Variants in AGBL4 observed in about 807,000 individuals in gnomAD.
AGBL4 encodes the protein AGBL carboxypeptidase 4.
Under a neutral mutation model 66.4 loss-of-function variants are expected in AGBL4, and 58 were observed. The observed-to-expected ratio is 0.87, with a 90% CI of 0.71 to 1.09. The LOEUF (loss-of-function observed/expected upper bound fraction) is 1.09, where lower values mean the gene tolerates loss of function less well. AGBL4 is among the 50% of genes least tolerant of loss of function. The pLI, the probability that AGBL4 is intolerant of heterozygous loss-of-function variation, is 0.00. For missense variants in AGBL4, 579 were observed against 631.0 expected, an observed-to-expected ratio of 0.92 and a Z score of 0.88; for synonymous variants, 234 against 222.9, an observed-to-expected ratio of 1.05 and a Z score of -0.44.
At chr1:49,160,511 T>A (rs1427374299) in intron 4 of AGBL4, among the ~76,000 whole-genome samples, 1 of 152,094 alleles carries the variant, frequency 6.6e-6, no homozygotes, top group Non-Finnish European at 1.5e-5. Context: ...TGTCTCCCAG[T>A]CAGGAGACAT....
At chr1:49,819,755 G>C (rs1388320696) in intron 2 of AGBL4, among the ~76,000 whole-genome samples, 1 of 152,128 alleles carries the variant, frequency 6.6e-6, no homozygotes, top group Non-Finnish European at 1.5e-5. Flanking sequence ...CTTACCTCAA[G>C]GGAGGTTTGC....
At chr1:48,929,329 G>A (rs529988402) in intron 5 of AGBL4, among the ~76,000 whole-genome samples, 33 of 152,042 alleles carry the variant, frequency 2.2e-4, no homozygotes, top group Non-Finnish European at 4.3e-4. Context: ...TGCTTCAGCC[G>A]CATTTGTATC....
chr1:50,014,716 G>A (rs972408866), intron 1 of AGBL4, among the ~76,000 whole-genome samples: 1 of 151,636 alleles, frequency 6.6e-6, no homozygotes, highest in Non-Finnish European at 1.5e-5. Context: ...GTAGAGACGG[G>A]GATTCACCAC....
chr1:48,946,726 G>C (rs1024019140), intron 5 of AGBL4, among the ~76,000 whole-genome samples: 2 of 152,194 alleles, frequency 1.3e-5, no homozygotes, highest in Non-Finnish European at 2.9e-5. Flanking sequence ...TCATAGTTGA[G>C]TGGAGAACAC....
chr1:48,712,764 T>G (rs1314404324), intron 6 of AGBL4, among the ~76,000 whole-genome samples: 1 of 152,206 alleles, frequency 6.6e-6, no homozygotes, highest in East Asian at 1.9e-4. Flanking sequence ...TCAGGGCTCA[T>G]GTTTGATAAA....
At chr1:49,654,688 T>A (rs1031394598) in intron 3 of AGBL4, among the ~76,000 whole-genome samples, 1 of 152,218 alleles carries the variant, frequency 6.6e-6, no homozygotes, top group Non-Finnish European at 1.5e-5. Flanking sequence ...TGGCCTTCTT[T>A]GTCTCTCTTG....
intron 3 of AGBL4, among the ~76,000 whole-genome samples, chr1:49,568,523 A>AC (rs56393842): frequency 0.022 from 3,379 of 151,524 alleles, 52 homozygotes; most frequent in Non-Finnish European, 0.035. Flanking sequence ...ACACACACAC[A>AC]AATGCCATGC....
At chr1:49,318,846 A>C (rs1224661760) in intron 3 of AGBL4, among the ~76,000 whole-genome samples, 1 of 152,108 alleles carries the variant, frequency 6.6e-6, no homozygotes, top group African/African-American at 2.4e-5. Flanking sequence ...ATTATCTTAC[A>C]AGTATCTTGC....
intron 3 of AGBL4, among the ~76,000 whole-genome samples, chr1:49,248,237 T>C (rs1250493024): frequency 6.6e-6 from 1 of 152,220 alleles, no homozygotes. Context: ...GCACACACTA[T>C]GTACCATATT....
intron 3 of AGBL4, among the ~76,000 whole-genome samples, chr1:49,411,214 A>T (rs1444785807): frequency 6.6e-6 from 1 of 152,234 alleles, no homozygotes; most frequent in African/African-American, 2.4e-5. Context: ...CCAAAGGCCA[A>T]ATAACCTGGA....
intron 3 of AGBL4, among the ~76,000 whole-genome samples, chr1:49,599,088 G>A (rs1295787544): frequency 2.0e-5 from 3 of 152,230 alleles, no homozygotes; most frequent in Middle Eastern, 3.4e-3. Context: ...CCTCTGCCAG[G>A]TGTTGGTATC....
chr1:48,829,314 G>A (rs545415788), intron 6 of AGBL4, among the ~76,000 whole-genome samples: 4 of 152,310 alleles, frequency 2.6e-5, no homozygotes, highest in African/African-American at 9.6e-5. Context: ...AGTCAGTCTG[G>A]CTCCAGAGTT....
intron 11 of AGBL4, among the ~76,000 whole-genome samples, chr1:48,552,182 G>A (rs1644258486): frequency 6.6e-6 from 1 of 152,130 alleles, no homozygotes; most frequent in South Asian, 2.1e-4. Context: ...TCCTGCCTCA[G>A]CCTCCCAAGT....
chr1:49,972,107 C>T (rs565576875), intron 1 of AGBL4, among the ~76,000 whole-genome samples: 2 of 150,878 alleles, frequency 1.3e-5, no homozygotes, highest in African/African-American at 2.4e-5. Flanking sequence ...TCAGTAGAGA[C>T]GGGGTTTCAC....
intron 1 of AGBL4, among the ~76,000 whole-genome samples, chr1:49,925,458 T>C (rs1467300974): frequency 6.6e-6 from 1 of 152,140 alleles, no homozygotes; most frequent in East Asian, 1.9e-4. Flanking sequence ...ACAGCCATCA[T>C]GGCTACAGGG....
chr1:49,385,658 A>G (rs988818922), intron 3 of AGBL4, among the ~76,000 whole-genome samples: 3 of 152,094 alleles, frequency 2.0e-5, no homozygotes, highest in Admixed American at 2.0e-4. Flanking sequence ...TATCTTTTGT[A>G]CAATTTTCTA....
chr1:49,817,977 G>T (rs1042003513), intron 2 of AGBL4, among the ~76,000 whole-genome samples: 3 of 152,076 alleles, frequency 2.0e-5, no homozygotes, highest in Non-Finnish European at 2.9e-5. Context: ...TGTGCCTGGG[G>T]TTACAGAGAA....
At chr1:48,554,192 C>T (rs1285473126) in intron 11 of AGBL4, among the ~76,000 whole-genome samples, 5 of 152,150 alleles carry the variant, frequency 3.3e-5, no homozygotes, top group Admixed American at 6.5e-5. Context: ...AAAAGAAGCC[C>T]ACTCCCCTGC....
intron 1 of AGBL4, among the ~76,000 whole-genome samples, chr1:50,019,746 A>G (rs531477380): frequency 1.1e-4 from 16 of 152,202 alleles, no homozygotes; most frequent in Admixed American, 2.6e-4. Context: ...CCGGGTAACT[A>G]AAATAAAAGC....
Sources: gnomAD v4.1 joint callset for allele counts (sites outside exome capture counted in the v4.1 genomes callset) on GRCh38, gnomAD v4.1.1 for gene constraint, MANE v1.5 for transcripts, NCBI Gene and HGNC (gene_info 2026-07-23, HGNC 2026-07-21) for gene names.